XPNPEP3: variants seen among roughly 807,000 people sequenced by gnomAD.
XPNPEP3 encodes X-prolyl aminopeptidase 3.
In XPNPEP3, 41 loss-of-function variants were observed where a neutral mutation model predicts 60.0. The ratio of observed to expected loss-of-function variants is 0.68; its 90% CI spans 0.53 to 0.89. The LOEUF (loss-of-function observed/expected upper bound fraction) is 0.89, where lower values mean the gene tolerates loss of function less well. XPNPEP3 is among the 40% of genes least tolerant of loss of function. The pLI is 0.00. For missense variants in XPNPEP3, 598 were observed against 638.9 expected, an observed-to-expected ratio of 0.94 and a Z score of 0.69; for synonymous variants, 212 against 223.2, an observed-to-expected ratio of 0.95 and a Z score of 0.45.
At chr22:40,894,426 C>T (rs530320256) in intron 4 of XPNPEP3, among the ~76,000 whole-genome samples, 82 of 152,100 alleles carry the variant, frequency 5.4e-4, no homozygotes, top group African/African-American at 1.9e-3. Flanking sequence ...TTTTGATATA[C>T]GTATGCATAA....
At chr22:40,891,577 T>C (rs2058088746) in intron 4 of XPNPEP3, among the ~76,000 whole-genome samples, 1 of 150,636 alleles carries the variant, frequency 6.6e-6, no homozygotes, top group Non-Finnish European at 1.5e-5. Context: ...CGCTCGAACC[T>C]GGGAGGCAGA....
intron 7 of XPNPEP3, among the ~76,000 whole-genome samples, chr22:40,919,144 A>G (rs924493651): frequency 6.6e-6 from 1 of 152,202 alleles, no homozygotes; most frequent in African/African-American, 2.4e-5. Context: ...TTTAAAGCTG[A>G]AAAGTACATT....
chr22:40,857,791 A>T (rs533198844), intron 1 of XPNPEP3, among the ~76,000 whole-genome samples: 1 of 152,370 alleles, frequency 6.6e-6, no homozygotes, highest in East Asian at 1.9e-4. Context: ...TCTGATGAAC[A>T]TAAAGCTTAA....
intron 7 of XPNPEP3, among the ~76,000 whole-genome samples, chr22:40,919,995 A>G (rs1218226556): frequency 1.3e-5 from 2 of 152,218 alleles, no homozygotes; most frequent in Admixed American, 6.5e-5. Context: ...TTCCATTTAT[A>G]TGATGTTCTA....
Position 40,886,378 on chromosome 22 carries a change from A to G in XPNPEP3, c.655A>G (p.Met219Val). 5 of 1,614,176 alleles carry G rather than the reference A, an allele frequency of 3.1e-6. No homozygotes were observed. Among genetic ancestry groups the G allele is most frequent in the South Asian group, 1.1e-5 (1 of 91,084 alleles). The change falls in exon 4 of 10, where the codon ATG becomes GTG. Residue 219 changes from methionine (M) to valine (V), a missense_variant. Coordinates refer to ENST00000357137, the MANE Select transcript of XPNPEP3 (RefSeq NM_022098.4). ...PSHAQLHSDY[M>V]QPLTEAKAKS... ...ACATGCACAGCTTCACTCTGACTAT[A>G]TGCAGCCCCTGACTGAGGCCAAAGC...
Position 40,909,208 on chromosome 22 carries a change from C to T in XPNPEP3, c.942C>T (p.His314=). ...VAGGNRSNTL[H]YVKNNQLIKD... Reference sequence around the variant, plus strand: ...GTGGTAATCGGTCAAACACTTTGCACTATGTGAAAAATAATCAACTCATCA... The same window carrying T: ...GTGGTAATCGGTCAAACACTTTGCATTATGTGAAAAATAATCAACTCATCA... Residue 314 remains histidine (H), a synonymous_variant, in exon 6 of 10, where the codon CAC becomes CAT. Transcript: ENST00000357137. The T allele has an allele frequency of 1.2e-6, 2 of 1,614,168 alleles. No homozygotes were observed. The highest frequency in any genetic ancestry group is 8.5e-7 in the Non-Finnish European group (1 of 1,180,014).
intron 7 of XPNPEP3, among the ~76,000 whole-genome samples, chr22:40,914,533 T>A: frequency 1.6e-5 from 1 of 61,884 alleles, no homozygotes; most frequent in African/African-American, 5.7e-5. Context: ...TAACAAAGAT[T>A]TTTTTTTTTT....
intron 1 of XPNPEP3, among the ~76,000 whole-genome samples, chr22:40,868,094 T>G (rs1290646790): frequency 2.0e-5 from 3 of 152,202 alleles, no homozygotes; most frequent in South Asian, 4.1e-4. Context: ...TCATGTGTCT[T>G]TCTTTGAGCA....
At chr22:40,902,439 A>C (rs371708706) in intron 4 of XPNPEP3, among the ~76,000 whole-genome samples, 3 of 151,928 alleles carry the variant, frequency 2.0e-5, no homozygotes, top group South Asian at 2.1e-4. Flanking sequence ...TTTAGTAGAG[A>C]TGGGGTTTCA....
At chr22:40,925,513 G>A (rs571814487) in intron 9 of XPNPEP3, among the ~76,000 whole-genome samples, 1 of 152,204 alleles carries the variant, frequency 6.6e-6, no homozygotes, top group Admixed American at 6.5e-5. Flanking sequence ...AATCTGTTTG[G>A]TACATGGGCG....
intron 2 of XPNPEP3, among the ~76,000 whole-genome samples, chr22:40,881,167 T>C (rs931898111): frequency 1.3e-5 from 2 of 151,942 alleles, no homozygotes; most frequent in Non-Finnish European, 1.5e-5. Context: ...TGCCTCAGGC[T>C]CCCGAGTAGC....
chr22:40,860,898 C>T (rs2057939988), intron 1 of XPNPEP3: 3 of 697,886 alleles, frequency 4.3e-6, no homozygotes, highest in Non-Finnish European at 6.9e-6. Flanking sequence ...ACCACAAACT[C>T]ATCCTTTTCT....
intron 9 of XPNPEP3, among the ~76,000 whole-genome samples, chr22:40,925,766 A>G (rs1601523542): frequency 6.6e-6 from 1 of 152,324 alleles, no homozygotes; most frequent in Non-Finnish European, 1.5e-5. Flanking sequence ...TCTTATAATG[A>G]CTGTCTCTGC....
chr22:40,895,407 C>G (rs1424401170), intron 4 of XPNPEP3, among the ~76,000 whole-genome samples: 1 of 151,732 alleles, frequency 6.6e-6, no homozygotes, highest in Non-Finnish European at 1.5e-5. Flanking sequence ...GCGATCTCGG[C>G]TCACTGCAAC....
At chr22:40,897,513 CT>C (rs2058113540) in intron 4 of XPNPEP3, among the ~76,000 whole-genome samples, 1 of 142,790 alleles carries the variant, frequency 7.0e-6, no homozygotes, top group African/African-American at 2.6e-5. Flanking sequence ...TTTTTTTTTT[CT>C]TTTTTTGAGA....
intron 4 of XPNPEP3, 129 bp downstream of exon 4, chr22:40,886,644 T>G: frequency 1.3e-6 from 1 of 799,832 alleles, no homozygotes; most frequent in Non-Finnish European, 2.0e-6. Flanking sequence ...GCTAACATGG[T>G]GAAACCCCGT....
At chr22:40,923,013 G>A (rs1294707517) in intron 8 of XPNPEP3, among the ~76,000 whole-genome samples, 1 of 151,958 alleles carries the variant, frequency 6.6e-6, no homozygotes, top group Non-Finnish European at 1.5e-5. Context: ...AAGAAATGAG[G>A]AGAAGCCTGG....
intron 4 of XPNPEP3, among the ~76,000 whole-genome samples, chr22:40,902,002 T>C (rs1391698831): frequency 2.0e-5 from 3 of 152,098 alleles, no homozygotes; most frequent in Non-Finnish European, 4.4e-5. Context: ...ATTTATATGA[T>C]GTGAATTTTA....
At chr22:40,874,977 A>G (rs1429038012) in intron 2 of XPNPEP3, among the ~76,000 whole-genome samples, 3 of 152,162 alleles carry the variant, frequency 2.0e-5, no homozygotes, top group Non-Finnish European at 1.5e-5. Context: ...ATGACGTTAC[A>G]TTTATCTAAC....
Sources: gnomAD v4.1 joint callset for allele counts (sites outside exome capture counted in the v4.1 genomes callset) on GRCh38, gnomAD v4.1.1 for gene constraint, MANE v1.5 for transcripts, NCBI Gene and HGNC (gene_info 2026-07-23, HGNC 2026-07-21) for gene names.